The following CNGA1 variants were observed in gnomAD, a reference collection of about 807,000 sequenced individuals.
The protein encoded by CNGA1 is cyclic nucleotide-gated channel alpha-1.
In CNGA1, 53 loss-of-function variants were observed where a neutral mutation model predicts 69.7. The observed-to-expected ratio is 0.76, with a 90% CI of 0.61 to 0.96. The LOEUF (loss-of-function observed/expected upper bound fraction) is 0.96, where lower values mean the gene tolerates loss of function less well. Among genes scored for constraint, CNGA1 ranks in the 40% least tolerant of loss-of-function variants. The probability of loss-of-function intolerance (pLI) is 0.00; values close to 1 mark genes in which losing one functional copy is unlikely to be tolerated. For synonymous variants in CNGA1, 249 were observed against 283.5 expected (o/e 0.88, Z 1.22); for missense variants, 739 against 811.2 (o/e 0.91, Z 1.08).
At chr4:47,938,308 T>C (rs1738810240) in intron 10 of CNGA1, among the ~76,000 whole-genome samples, 1 of 76,776 alleles carries the variant, frequency 1.3e-5, no homozygotes, top group Non-Finnish European at 2.7e-5. Flanking sequence ...TCTTGTGATA[T>C]TGTGAGATAT....
intron 3 of CNGA1, among the ~76,000 whole-genome samples, chr4:47,965,471 G>A (rs544433204): frequency 6.7e-6 from 1 of 149,500 alleles, no homozygotes; most frequent in East Asian, 2.0e-4. Flanking sequence ...CTGTCACCCA[G>A]ACTGGAGTAC....
chr4:47,939,255 C>T (rs1324478898), intron 10 of CNGA1, among the ~76,000 whole-genome samples: 1 of 152,032 alleles, frequency 6.6e-6, no homozygotes, highest in Non-Finnish European at 1.5e-5. Flanking sequence ...CATGATAAAA[C>T]CTCTATAAAA....
At chr4:48,015,036 G>C (rs1715317130) in intron 1 of CNGA1, among the ~76,000 whole-genome samples, 1 of 152,046 alleles carries the variant, frequency 6.6e-6, no homozygotes, top group African/African-American at 2.4e-5. Context: ...AAATTAGCCG[G>C]GCGTGGTGGG....
chr4:47,991,394 A>C (rs570944005), intron 2 of CNGA1, among the ~76,000 whole-genome samples: 4 of 152,024 alleles, frequency 2.6e-5, no homozygotes, highest in Non-Finnish European at 5.9e-5. Flanking sequence ...TGTGGTTTTG[A>C]TTTGCATTTC....
intron 2 of CNGA1, among the ~76,000 whole-genome samples, chr4:47,998,338 T>C (rs1202851213): frequency 1.3e-5 from 2 of 152,164 alleles, no homozygotes; most frequent in Admixed American, 1.3e-4. Flanking sequence ...TGGACATGCA[T>C]AAATGAAAAT....
At chr4:47,997,197 A>G (rs1714392673) in intron 2 of CNGA1, among the ~76,000 whole-genome samples, 1 of 152,186 alleles carries the variant, frequency 6.6e-6, no homozygotes, top group Non-Finnish European at 1.5e-5. Flanking sequence ...CTGGCTTTCA[A>G]TTTAGCTTTC....
At chr4:47,957,088 C>T (rs1740136169) in intron 3 of CNGA1, among the ~76,000 whole-genome samples, 1 of 152,038 alleles carries the variant, frequency 6.6e-6, no homozygotes, top group Admixed American at 6.6e-5. Flanking sequence ...TGCATGCCAC[C>T]ATGCCTGGCT....
chr4:47,966,636 G>A (rs1740740065), intron 3 of CNGA1, among the ~76,000 whole-genome samples: 1 of 152,206 alleles, frequency 6.6e-6, no homozygotes, highest in African/African-American at 2.4e-5. Context: ...AATGCCACAA[G>A]TGGGAGACAG....
chr4:48,003,042 A>G lies in CNGA1; in HGVS notation c.-123+7752T>C, dbSNP rs1714732934. Among the ~76,000 whole-genome samples, 3 of 152,230 alleles carry G rather than the reference A, an allele frequency of 2.0e-5. No individual in the cohort carries two copies. The South Asian group carries it at 6.2e-4, about 32-fold the overall frequency. ...CAAAATTTATTTTGCCAAGGTTGAG[A>G]ACACAACCCCATGACACAGCCTCAG... On this transcript the variant is annotated intron_variant, in intron 2 of 10. Transcript: ENST00000514170.
chr4:48,012,019 C>G (rs569657979), intron 1 of CNGA1, among the ~76,000 whole-genome samples: 2 of 152,244 alleles, frequency 1.3e-5, no homozygotes, highest in South Asian at 2.1e-4. Flanking sequence ...TTTAAAGATG[C>G]AAATTCTCCC....
At chr4:47,989,647 AT>A (rs1202347543) in intron 2 of CNGA1, among the ~76,000 whole-genome samples, 2 of 151,994 alleles carry the variant, frequency 1.3e-5, no homozygotes, top group Non-Finnish European at 2.9e-5. Flanking sequence ...TTAAAAAAAA[AT>A]TTTTTTTGTT....
intron 6 of CNGA1, among the ~76,000 whole-genome samples, chr4:47,948,314 A>G (rs544395376): frequency 6.6e-6 from 1 of 152,332 alleles, no homozygotes; most frequent in East Asian, 1.9e-4. Flanking sequence ...CTGAAGTGCT[A>G]TCATAGAGTT....
chr4:47,999,681 G>C (rs945053491), intron 2 of CNGA1, among the ~76,000 whole-genome samples: 1 of 152,094 alleles, frequency 6.6e-6, no homozygotes, highest in African/African-American at 2.4e-5. Context: ...AACCAGCCTG[G>C]CCAAAATGGT....
intron 1 of CNGA1, among the ~76,000 whole-genome samples, chr4:48,015,506 A>T (rs1261726596): frequency 6.6e-6 from 1 of 152,216 alleles, no homozygotes; most frequent in Admixed American, 6.5e-5. Context: ...ACCTGAGTAC[A>T]TGAGAATATT....
At chr4:48,003,690 G>C (rs1714764841) in intron 2 of CNGA1, among the ~76,000 whole-genome samples, 1 of 152,144 alleles carries the variant, frequency 6.6e-6, no homozygotes, top group Admixed American at 6.5e-5. Flanking sequence ...TACAGAGATA[G>C]GAGCTGAGGA....
intron 6 of CNGA1, 148 bp from the exon 7 acceptor site, chr4:47,943,560 C>A: frequency 1.9e-6 from 1 of 521,010 alleles, no homozygotes. Context: ...GAGGTTTCTA[C>A]CCCAAAAAGT....
intron 2 of CNGA1, among the ~76,000 whole-genome samples, chr4:47,986,401 C>CA (rs79811881): frequency 0.014 from 1,885 of 137,130 alleles, 11 homozygotes; most frequent in Non-Finnish European, 0.021. Context: ...GACTCTATTT[C>CA]AAAAAAAAAA....
At chr4:48,001,204 G>A (rs951191039) in intron 2 of CNGA1, among the ~76,000 whole-genome samples, 2 of 152,192 alleles carry the variant, frequency 1.3e-5, no homozygotes, top group Non-Finnish European at 2.9e-5. Flanking sequence ...GGTGGCTCAG[G>A]CCTGTAATCC....
At chr4:47,971,631 C>T (rs1741045773) in intron 3 of CNGA1, among the ~76,000 whole-genome samples, 1 of 152,168 alleles carries the variant, frequency 6.6e-6, no homozygotes, top group Non-Finnish European at 1.5e-5. Context: ...GTGGCTCACG[C>T]TTGCAATCCC....
Sources: gnomAD v4.1 joint callset for allele counts (sites outside exome capture counted in the v4.1 genomes callset) on GRCh38, gnomAD v4.1.1 for gene constraint, MANE v1.5 for transcripts, NCBI Gene and HGNC (gene_info 2026-07-23, HGNC 2026-07-21) for gene names.